RRAGD: variants seen among roughly 807,000 people sequenced by gnomAD.
RRAGD encodes ras-related GTP-binding protein D.
In RRAGD, 12 loss-of-function variants were observed where a neutral mutation model predicts 35.5. The observed-to-expected ratio is 0.34, with a 90% confidence interval of 0.22 to 0.55. The LOEUF (loss-of-function observed/expected upper bound fraction) is 0.55. RRAGD is among the 20% of genes least tolerant of loss of function. The pLI, the probability that RRAGD is intolerant of heterozygous loss-of-function variation, is 0.91. For synonymous variants in RRAGD, 155 were observed against 178.9 expected, an observed-to-expected ratio of 0.87 and a Z score of 1.07; for missense variants, 324 against 490.1, an observed-to-expected ratio of 0.66 and a Z score of 3.20.
chr6:89,409,214 A>G (rs564647738), intron 1 of RRAGD, among the ~76,000 whole-genome samples: 4 of 152,374 alleles, frequency 2.6e-5, no homozygotes, highest in African/African-American at 9.6e-5. Context: ...TGAAAATTGC[A>G]TTACATATCC....
chr6:89,372,839 T>C (rs900951679), intron 5 of RRAGD, among the ~76,000 whole-genome samples: 41 of 152,236 alleles, frequency 2.7e-4, no homozygotes, highest in Non-Finnish European at 4.7e-4. Flanking sequence ...AAGAAGCCAG[T>C]TGAAGGATGA....
rs760488023 is a variant in RRAGD, at chr6:89,377,628, G to C, written c.902+43C>G. 3 of 1,487,752 alleles carry C rather than the reference G, an allele frequency of 2.0e-6. No individual in the cohort carries two copies. In the East Asian group the frequency reaches 7.5e-5, roughly 37 times the overall value. The allele number at this position is 1,487,752 out of a possible 1,614,324, so 92.2% of individuals were successfully genotyped here. The stretch of plus-strand genomic sequence containing the variant: ...TGCAAAATGCCTGAAAGGTTATGAA[G>C]GAAGGATGGCTTGATTGTGGCCTTT... On this transcript the variant is annotated intron_variant, in intron 5 of 6. Transcript: ENST00000369415.
chr6:89,400,212 T>C (rs1769431109), intron 1 of RRAGD, among the ~76,000 whole-genome samples: 2 of 152,198 alleles, frequency 1.3e-5, no homozygotes, highest in South Asian at 2.1e-4. Flanking sequence ...TAAAATCAAC[T>C]TGTGGGGATT....
Position 89,364,665 on chromosome 6 carries a change from T to C in RRAGD, c.*3391A>G, listed in dbSNP as rs1768706872. On this transcript the variant is annotated 3_prime_UTR_variant, in exon 7 of 7. Coordinates refer to ENST00000369415, the MANE Select transcript of RRAGD (RefSeq NM_021244.5). Reference sequence around the variant, plus strand: ...TTTAAGTAGTGAGATTTATCATCATTTCCATAAAATGAGAGCTGGTTAATC... The same window carrying C: ...TTTAAGTAGTGAGATTTATCATCATCTCCATAAAATGAGAGCTGGTTAATC... The C allele has an allele frequency of 6.6e-6, 1 of 152,236 alleles. No homozygotes were observed. The highest frequency in any genetic ancestry group is 2.1e-4 in the South Asian group (1 of 4,838). 9.4% of individuals were successfully genotyped at this position (152,236 alleles called of 1,614,324 possible). A position where few individuals can be genotyped will look rare whatever the true frequency, so the allele number is the denominator to read the frequency against.
rs913942132 is a variant in RRAGD, at chr6:89,411,345, C to A, written c.148+501G>T. On this transcript the variant is annotated intron_variant, in intron 1 of 6. Transcript: ENST00000369415. This position sits in a 1 kb window ranked among gnomAD's most constrained non-coding sequence, Gnocchi z 5.6. Reference sequence around the variant, plus strand: ...TCCCCAGCCACTACCTGGGTGGGCCCCTCCCGCGGCGACGCGGGGCGAGAC... The same window carrying A: ...TCCCCAGCCACTACCTGGGTGGGCCACTCCCGCGGCGACGCGGGGCGAGAC... 2.0e-5 allele frequency: 3 copies of A among 152,586 alleles called. 1 individual carries two copies. The highest frequency in any genetic ancestry group is 4.4e-5 in the Non-Finnish European group (3 of 68,258). The allele number at this position is 152,586 out of a possible 1,614,324, so 9.5% of individuals were successfully genotyped here.
chr6:89,368,355 T>C, intron 6 of RRAGD, 148 bp from the exon 7 acceptor site: 2 of 605,554 alleles, frequency 3.3e-6, no homozygotes, highest in South Asian at 6.5e-5. Context: ...TGTCTGCAGC[T>C]GGCCTTCAGA....
intron 1 of RRAGD, among the ~76,000 whole-genome samples, chr6:89,403,223 CG>C (rs560771654): frequency 6.5e-4 from 99 of 152,210 alleles, no homozygotes; most frequent in Non-Finnish European, 1.1e-3. Context: ...GGGTGGATCA[CG>C]AGGTCAGGAG....
At chr6:89,400,962 C>T (rs1160244130) in intron 1 of RRAGD, among the ~76,000 whole-genome samples, 4 of 152,154 alleles carry the variant, frequency 2.6e-5, no homozygotes, top group Admixed American at 2.6e-4. Flanking sequence ...TGAACACTGG[C>T]CAAGTGTGAG....
At chr6:89,407,902 G>A (rs994693713) in intron 1 of RRAGD, among the ~76,000 whole-genome samples, 1 of 151,920 alleles carries the variant, frequency 6.6e-6, no homozygotes, top group African/African-American at 2.4e-5. Flanking sequence ...GGAAGAGATC[G>A]CTAATAAAAG....
chr6:89,385,267 A>G (rs956092661), intron 2 of RRAGD, among the ~76,000 whole-genome samples: 22 of 152,212 alleles, frequency 1.4e-4, no homozygotes, highest in Admixed American at 1.4e-3. Flanking sequence ...ACAACGTGGT[A>G]TTTAAGTAAG....
chr6:89,372,584 G>C lies in RRAGD; in HGVS notation c.904C>G (p.Leu302Val), dbSNP rs1768872382. ...GGGGTTCCTGCTCCATCTTCTTTGAGACTAAATGGGGACAGAAACCAAAAC... is the reference window on the plus strand; with the variant it reads ...GGGGTTCCTGCTCCATCTTCTTTGACACTAAATGGGGACAGAAACCAAAAC... The part of the protein sequence containing the change: ...VVIDISCIYG[L>V]KEDGAGTPYD... Residue 302 changes from leucine to valine, a missense_variant and splice_region_variant, in exon 6 of 7, where the codon CTC becomes GTC. Leu to Val is a conservative substitution (Grantham distance 32). Transcript: ENST00000369415. 6.6e-7 allele frequency: 1 copy of C among 1,519,258 alleles called. No individual in the cohort carries two copies. 94.1% of individuals were successfully genotyped at this position (1,519,258 alleles called of 1,614,324 possible).
At chr6:89,371,072 T>G (rs553958955) in intron 6 of RRAGD, among the ~76,000 whole-genome samples, 42 of 151,664 alleles carry the variant, frequency 2.8e-4, no homozygotes, top group Non-Finnish European at 5.3e-4. Context: ...ATATTTGTAT[T>G]AAATATAAAA....
At chr6:89,388,426 G>A (rs1016893716) in intron 1 of RRAGD, among the ~76,000 whole-genome samples, 3 of 152,150 alleles carry the variant, frequency 2.0e-5, no homozygotes, top group Non-Finnish European at 4.4e-5. Flanking sequence ...GGTGAGGGGC[G>A]CATAACAGTC....
chr6:89,406,702 C>A (rs561913413), intron 1 of RRAGD, among the ~76,000 whole-genome samples: 4 of 152,046 alleles, frequency 2.6e-5, no homozygotes, highest in Non-Finnish European at 5.9e-5. Context: ...AGGCAAGAAC[C>A]CAGGATACAG....
intron 5 of RRAGD, among the ~76,000 whole-genome samples, chr6:89,373,148 T>G (rs1187508069): frequency 6.6e-6 from 1 of 152,164 alleles, no homozygotes. Flanking sequence ...TCTCAAATGG[T>G]TCACTGAAAA....
rs34091216 is a variant in RRAGD at position 89,384,813 on chromosome 6, C to CA, written c.444+2481dup. 2.2e-3 allele frequency among the ~76,000 whole-genome samples: 222 copies of CA among 101,490 alleles called. 1 individual carries two copies. The highest frequency in any genetic ancestry group is 5.7e-3 in the Middle Eastern group (1 of 174). 66.6% of individuals were successfully genotyped at this position (101,490 alleles called of 152,430 possible). Reference sequence around the variant, plus strand: ...TAGGCGACAGAGCAAGACTCCGTCTCAAAAAAAAAAAAAAAAAAAGTATAC... The same window carrying CA: ...TAGGCGACAGAGCAAGACTCCGTCTCAAAAAAAAAAAAAAAAAAAAGTATAC... On this transcript the variant is annotated intron_variant, in intron 2 of 6. Transcript: ENST00000369415.
Position 89,403,502 on chromosome 6 carries a change from C to T in RRAGD, c.148+8344G>A, listed in dbSNP as rs1030999296. Among the ~76,000 whole-genome samples, 5 of 151,788 alleles carry T rather than the reference C, an allele frequency of 3.3e-5. No homozygotes were observed. In the East Asian group the frequency reaches 7.7e-4, roughly 23 times the overall value. ...TACCAATTCAAAGGTACTTAGGGAA[C>T]ATCTAGGCATTGAGAACCTTTATGT... On this transcript the variant is annotated intron_variant, in intron 1 of 6. Transcript: ENST00000369415.
At chr6:89,373,764 T>G (rs909550764) in intron 5 of RRAGD, among the ~76,000 whole-genome samples, 7 of 150,090 alleles carry the variant, frequency 4.7e-5, no homozygotes, top group Admixed American at 2.6e-4. Flanking sequence ...AGCCTCAATT[T>G]CCTCATATGT....
rs751217302 is a variant in RRAGD, at chr6:89,411,897, C to A, written c.97G>T (p.Asp33Tyr). The change falls in exon 1 of 7, where the codon GAC becomes TAC. Residue 33 changes from aspartate (D) to tyrosine (Y), a missense_variant. Coordinates refer to ENST00000369415, the MANE Select transcript of RRAGD (RefSeq NM_021244.5). This position sits in a 1 kb window ranked among gnomAD's most constrained non-coding sequence, Gnocchi z 5.6. Reference protein sequence around the residue: ...DELVGLADYGDGPDSSDADPD... With the variant: ...DELVGLADYGYGPDSSDADPD... The stretch of plus-strand genomic sequence containing the variant: ...TCGGCGTCGGAGGAGTCGGGCCCGT[C>A]TCCGTAGTCCGCTAGCCCCACCAGC... The A allele has an allele frequency of 6.5e-7, 1 of 1,546,310 alleles. No individual in the cohort carries two copies. Among genetic ancestry groups the A allele is most frequent in the Non-Finnish European group, 8.7e-7 (1 of 1,148,202 alleles).
Sources: allele counts gnomAD v4.1 joint callset (sites outside exome capture counted in the v4.1 genomes callset), GRCh38; gene constraint gnomAD v4.1.1; non-coding constraint Gnocchi (gnomAD v3.1); transcripts MANE v1.5; gene names NCBI Gene and HGNC (gene_info 2026-07-23, HGNC 2026-07-21).